Variants in KDM2A observed in about 807,000 individuals in gnomAD.
KDM2A encodes lysine-specific demethylase 2A.
Under a neutral mutation model 137.3 loss-of-function variants are expected in KDM2A, and 3 were observed. That is an observed-to-expected ratio of 0.02 (90% CI 0.01 to 0.06). The LOEUF (loss-of-function observed/expected upper bound fraction) is 0.06, where lower values mean the gene tolerates loss of function less well. Among genes scored for constraint, KDM2A ranks in the 10% least tolerant of loss-of-function variants. KDM2A has a pLI of 1.00. For synonymous variants in KDM2A, 512 were observed against 541.5 expected, an observed-to-expected ratio of 0.95 and a Z score of 0.76; for missense variants, 738 against 1,510.6, an observed-to-expected ratio of 0.49 and a Z score of 8.48.
intron 6 of KDM2A, among the ~76,000 whole-genome samples, chr11:67,211,037 A>G (rs1001206183): frequency 3.3e-5 from 5 of 152,150 alleles, no homozygotes; most frequent in Non-Finnish European, 5.9e-5. Context: ...AGCCTGGGTG[A>G]CAGAATGAGA....
chr11:67,145,729 C>T lies in KDM2A; in HGVS notation c.42+24371C>T, dbSNP rs767708706. Among the ~76,000 whole-genome samples, 17 of 151,990 alleles carry T rather than the reference C, an allele frequency of 1.1e-4. 1 individual carries two copies. The highest frequency in any genetic ancestry group is 2.1e-4 in the Non-Finnish European group (14 of 68,010). ...CATTACTTGAAAATGATACCATACTCGGCTACTTTCTCTTTTCTTAATGTT... is the reference window on the plus strand; with the variant it reads ...CATTACTTGAAAATGATACCATACTTGGCTACTTTCTCTTTTCTTAATGTT... On this transcript the variant is annotated intron_variant, in intron 2 of 20. Coordinates refer to ENST00000529006, the MANE Select transcript of KDM2A (RefSeq NM_012308.3).
chr11:67,227,647 G>A (rs1044886318), intron 10 of KDM2A, among the ~76,000 whole-genome samples: 3 of 152,016 alleles, frequency 2.0e-5, no homozygotes, highest in Admixed American at 2.0e-4. Flanking sequence ...TCAGTTCACT[G>A]CAACCTCCGC....
chr11:67,215,312 C>T, intron 6 of KDM2A, 28 bp from the exon 7 acceptor site: 2 of 1,480,294 alleles, frequency 1.4e-6, no homozygotes, highest in African/African-American at 1.4e-5. Flanking sequence ...TCCCTTGGAG[C>T]CCAAGTGTTT....
At chr11:67,202,201 G>A (rs1023887120) in intron 5 of KDM2A, among the ~76,000 whole-genome samples, 3 of 152,212 alleles carry the variant, frequency 2.0e-5, no homozygotes, top group African/African-American at 7.2e-5. Flanking sequence ...AGATGGAAGA[G>A]TTGCTTCTTA....
intron 2 of KDM2A, among the ~76,000 whole-genome samples, chr11:67,142,562 T>TTGGGGTTGGGGG: frequency 2.2e-5 from 1 of 45,908 alleles, no homozygotes; most frequent in Non-Finnish European, 4.5e-5. Flanking sequence ...GGCCGGGGGG[T>TTGGGGTTGGGGG]TGGGGTTGGG....
chr11:67,173,706 A>C (rs1166266463), intron 2 of KDM2A, among the ~76,000 whole-genome samples: 1 of 151,554 alleles, frequency 6.6e-6, no homozygotes, highest in Non-Finnish European at 1.5e-5. Flanking sequence ...TATTTTTATT[A>C]TTTTTCTTTT....
intron 2 of KDM2A, among the ~76,000 whole-genome samples, chr11:67,127,569 C>A (rs1056162278): frequency 6.6e-6 from 1 of 152,106 alleles, no homozygotes; most frequent in Non-Finnish European, 1.5e-5. Context: ...TATGAAATAG[C>A]TAAATCATTT....
At chr11:67,249,025 C>T (rs1303129563) in intron 16 of KDM2A, among the ~76,000 whole-genome samples, 2 of 152,222 alleles carry the variant, frequency 1.3e-5, no homozygotes, top group African/African-American at 4.8e-5. Context: ...GATGGCTTTC[C>T]AAGTGCCAGT....
At chr11:67,227,911 A>G in intron 10 of KDM2A, 126 bp from the exon 11 acceptor site, 1 of 985,074 alleles carries the variant, frequency 1.0e-6, no homozygotes, top group Admixed American at 2.2e-5. Context: ...TTTGCTTCAG[A>G]TGCCAAGCTG....
intron 5 of KDM2A, among the ~76,000 whole-genome samples, chr11:67,193,948 T>A (rs1452796239): frequency 6.6e-6 from 1 of 152,158 alleles, no homozygotes; most frequent in Admixed American, 6.6e-5. Flanking sequence ...CCTCAAGCTG[T>A]CCTCCTGTCT....
At chr11:67,232,855 G>A (rs924668394) in intron 12 of KDM2A, among the ~76,000 whole-genome samples, 23 of 151,926 alleles carry the variant, frequency 1.5e-4, no homozygotes, top group Admixed American at 1.4e-3. Flanking sequence ...TTACAGACAC[G>A]TGCCACCATG....
At chr11:67,225,218 A>G (rs1359055983) in intron 10 of KDM2A, among the ~76,000 whole-genome samples, 1 of 152,206 alleles carries the variant, frequency 6.6e-6, no homozygotes, top group Non-Finnish European at 1.5e-5. Context: ...TTGAAAACAA[A>G]AGATATCATT....
At chr11:67,130,464 T>C (rs1397963901) in intron 2 of KDM2A, among the ~76,000 whole-genome samples, 1 of 152,144 alleles carries the variant, frequency 6.6e-6, no homozygotes, top group Admixed American at 6.5e-5. Flanking sequence ...CCTGTTCTAA[T>C]CCTGTCCTAA....
At chr11:67,246,934 G>C (rs975036816) in intron 15 of KDM2A, among the ~76,000 whole-genome samples, 4 of 150,070 alleles carry the variant, frequency 2.7e-5, no homozygotes, top group Non-Finnish European at 5.9e-5. Context: ...GAAGAACCGG[G>C]TTTTTGTTTT....
At position 67,255,962 on chromosome 11, in the gene KDM2A, C is replaced by CTGT; in HGVS notation, c.*907_*908insTGT. ...GTCCTCAGAGGGAGCAGCCTATCTCCCCCAAGCTGGAGGCGGCAGAGGACT... is the reference window on the plus strand; with the variant it reads ...GTCCTCAGAGGGAGCAGCCTATCTCCTGTCCCAAGCTGGAGGCGGCAGAGGACT... On this transcript the variant is annotated 3_prime_UTR_variant, in exon 21 of 21. Coordinates refer to ENST00000529006, the MANE Select transcript of KDM2A (RefSeq NM_012308.3). 1 of 203,278 alleles carries CTGT rather than the reference C, an allele frequency of 4.9e-6. No homozygotes were observed. The highest frequency in any genetic ancestry group is 1.0e-5 in the Non-Finnish European group (1 of 98,124). 12.6% of individuals were successfully genotyped at this position (203,278 alleles called of 1,614,324 possible). A position where few individuals can be genotyped will look rare whatever the true frequency, so the allele number is the denominator to read the frequency against.
In KDM2A at chr11:67,254,197, G is replaced by T; in HGVS notation, c.3092-6G>T. ...TTTGATCTAGGCTCTTCTCTTGCCT[G>T]TACAGGTCAGGACAATCGCAGCAAG... On this transcript the variant is annotated splice_polypyrimidine_tract_variant and splice_region_variant and intron_variant, in intron 19 of 20. Transcript: ENST00000529006. The surrounding 1 kb of genome is among the most constrained non-coding windows in gnomAD (Gnocchi z 4.7). The T allele has an allele frequency of 1.2e-6, 2 of 1,612,850 alleles. No individual in the cohort carries two copies. Among genetic ancestry groups the T allele is most frequent in the African/African-American group, 1.3e-5 (1 of 75,046 alleles).
rs1292571397 is a variant in KDM2A at position 67,250,153 on chromosome 11, G to A, written c.2123G>A (p.Cys708Tyr). 6.2e-7 allele frequency: 1 copy of A among 1,613,548 alleles called. No individual in the cohort carries two copies. The highest frequency in any genetic ancestry group is 8.5e-7 in the Non-Finnish European group (1 of 1,179,726). Residue 708 changes from cysteine (C) to tyrosine (Y), a missense_variant, in exon 17 of 21, where the codon TGC (cysteine) becomes TAC (tyrosine). Physicochemically the swap from Cys to Tyr is radical, Grantham distance 194 (BLOSUM62 -2). Coordinates refer to ENST00000529006, the MANE Select transcript of KDM2A (RefSeq NM_012308.3). The surrounding 1 kb of genome is among the most constrained non-coding windows in gnomAD (Gnocchi z 7.1). ...AAAGTCCTGCGGCCCCTGCGGAGCT[G>A]CGATGAGCCTCTCACGCCCCCGCCT... Reference protein sequence around the residue: ...QAKVLRPLRSCDEPLTPPPHS... With the variant: ...QAKVLRPLRSYDEPLTPPPHS...
intron 2 of KDM2A, among the ~76,000 whole-genome samples, chr11:67,159,523 A>G (rs1175307939): frequency 6.6e-6 from 1 of 152,238 alleles, no homozygotes; most frequent in Non-Finnish European, 1.5e-5. Context: ...GTATCAGGTC[A>G]GGAGATACAC....
intron 2 of KDM2A, among the ~76,000 whole-genome samples, chr11:67,122,647 A>ATTTG (rs1022360281): frequency 1.3e-4 from 14 of 105,816 alleles, no homozygotes; most frequent in African/African-American, 1.0e-3. Context: ...ATTTATTTTT[A>ATTTG]TTTATTTATT....
Sources: allele counts gnomAD v4.1 joint callset (sites outside exome capture counted in the v4.1 genomes callset), GRCh38; gene constraint gnomAD v4.1.1; non-coding constraint Gnocchi (gnomAD v3.1); transcripts MANE v1.5; gene names NCBI Gene and HGNC (gene_info 2026-07-23, HGNC 2026-07-21).